Variants in ZPBP observed in about 807,000 individuals in gnomAD.
ZPBP encodes the protein zona pellucida-binding protein 1.
Under a neutral mutation model 44.8 loss-of-function variants are expected in ZPBP, and 26 were observed. That is an observed-to-expected ratio of 0.58 (90% CI 0.43 to 0.81). The LOEUF (loss-of-function observed/expected upper bound fraction) is 0.81, where lower values mean the gene tolerates loss of function less well. Among genes scored for constraint, ZPBP ranks in the 30% least tolerant of loss-of-function variants. ZPBP has a pLI of 0.00. For synonymous variants in ZPBP, 174 were observed against 153.2 expected, an observed-to-expected ratio of 1.14 and a Z score of -1.00; for missense variants, 409 against 434.0, an observed-to-expected ratio of 0.94 and a Z score of 0.51.
intron 1 of ZPBP, chr7:49,917,306 A>G (rs1409410782): frequency 6.6e-6 from 1 of 152,190 alleles, no homozygotes; most frequent in African/African-American, 2.4e-5. Flanking sequence ...CCTTAACACA[A>G]AGATTTGGCT....
At chr7:49,859,485 T>C (rs1790559932) in intron 2 of ZPBP, among the ~76,000 whole-genome samples, 1 of 152,188 alleles carries the variant, frequency 6.6e-6, no homozygotes, top group African/African-American at 2.4e-5. Flanking sequence ...GAAATCTGAT[T>C]TTTTTTCTTG....
the ZPBP span, among the ~76,000 whole-genome samples, chr7:49,842,786 A>G: frequency 1.3e-5 from 2 of 152,204 alleles, no homozygotes; most frequent in Non-Finnish European, 2.9e-5. Flanking sequence ...GCTTTAATAC[A>G]TGTCATCTAG....
intron 2 of ZPBP, among the ~76,000 whole-genome samples, chr7:49,899,201 T>C (rs1453990398): frequency 6.6e-6 from 1 of 152,040 alleles, no homozygotes; most frequent in Non-Finnish European, 1.5e-5. Flanking sequence ...ATACATACTA[T>C]GTTTTTCCCT....
At chr7:50,085,678 C>A (rs958292053) in intron 2 of ZPBP, among the ~76,000 whole-genome samples, 2 of 152,044 alleles carry the variant, frequency 1.3e-5, no homozygotes, top group Non-Finnish European at 2.9e-5. Context: ...AAGCCTTTTC[C>A]CCAAAAGAAT....
chr7:50,057,969 C>A lies in ZPBP; in HGVS notation c.487+20G>T. The A allele has an allele frequency of 1.3e-6, 2 of 1,599,874 alleles. No homozygotes were observed. Among genetic ancestry groups the A allele is most frequent in the East Asian group, 2.2e-5 (1 of 44,648 alleles). ...AAAATCATTAAGAAAGGTTAAAACA[C>A]AACTAACTTTACTTCTTACCATATA... On this transcript the variant is annotated intron_variant, in intron 4 of 7. Transcript: ENST00000046087.
At chr7:49,963,994 G>A (rs1191746287) in intron 7 of ZPBP, among the ~76,000 whole-genome samples, 1 of 151,780 alleles carries the variant, frequency 6.6e-6, no homozygotes, top group Non-Finnish European at 1.5e-5. Flanking sequence ...ATAAAGTGGA[G>A]TTTGATAAAA....
At chr7:49,922,825 G>A (rs1455823390) in intron 1 of ZPBP, among the ~76,000 whole-genome samples, 2 of 152,048 alleles carry the variant, frequency 1.3e-5, no homozygotes, top group East Asian at 3.9e-4. Flanking sequence ...AATAGGTTCA[G>A]AATCACAGTC....
intron 4 of ZPBP, among the ~76,000 whole-genome samples, chr7:50,033,225 A>G (rs545137952): frequency 1.1e-4 from 16 of 152,258 alleles, no homozygotes; most frequent in African/African-American, 3.6e-4. Context: ...AATATTTTTA[A>G]TTTATGGCAA....
intron 6 of ZPBP, among the ~76,000 whole-genome samples, chr7:49,983,817 T>G (rs564038313): frequency 2.6e-5 from 4 of 152,050 alleles, no homozygotes; most frequent in Non-Finnish European, 5.9e-5. Flanking sequence ...TCAAGAAAGC[T>G]CTTTGAAATT....
At chr7:50,052,529 A>G (rs62447797) in intron 4 of ZPBP, among the ~76,000 whole-genome samples, 10,908 of 152,208 alleles carry the variant, frequency 0.072, 531 homozygotes, top group Non-Finnish European at 0.11. Context: ...AGCCATTCTG[A>G]AAAACAGTTT....
At chr7:49,857,942 G>T (rs183469953) in intron 2 of ZPBP, among the ~76,000 whole-genome samples, 20 of 152,304 alleles carry the variant, frequency 1.3e-4, no homozygotes, top group African/African-American at 4.6e-4. Context: ...ATACATCAGA[G>T]ATGAGACCAC....
At chr7:49,849,190 C>T (rs527893995), downstream of ZPBP, among the ~76,000 whole-genome samples, 58 of 152,314 alleles carry the variant, frequency 3.8e-4, no homozygotes, top group African/African-American at 1.2e-3. Context: ...CGTGAAGCCT[C>T]GGCTGTGGGG....
At chr7:49,930,192 C>G (rs1470121435) in intron 1 of ZPBP, among the ~76,000 whole-genome samples, 1 of 152,140 alleles carries the variant, frequency 6.6e-6, no homozygotes, top group Non-Finnish European at 1.5e-5. Context: ...AGTCCGAGGC[C>G]AGGAGGATGC....
intron 6 of ZPBP, among the ~76,000 whole-genome samples, chr7:50,011,695 T>C (rs1217657104): frequency 6.6e-6 from 1 of 152,044 alleles, no homozygotes; most frequent in Non-Finnish European, 1.5e-5. Flanking sequence ...GATAATAAGA[T>C]ATTAGGAAAA....
At chr7:50,028,435 C>A (rs562102203) in intron 5 of ZPBP, among the ~76,000 whole-genome samples, 4 of 152,002 alleles carry the variant, frequency 2.6e-5, no homozygotes, top group Admixed American at 6.6e-5. Context: ...ACTAAGATGC[C>A]AATTGTGCCA....
rs1339679290 is a variant in ZPBP at position 49,877,471 on chromosome 7, A to AAAAAAAT, written n.509+23646_509+23647insATTTTTT. ...GTAAGAAACTCTGTCTCAAAAAAAA[A>AAAAAAAT]AAAAAAAAAAATATATATATATATA... On this transcript the variant is annotated intron_variant and non_coding_transcript_variant, in intron 2 of 2. Transcript: ENST00000465922. Among the ~76,000 whole-genome samples, 11 of 17,048 alleles carry AAAAAAAT rather than the reference A, an allele frequency of 6.5e-4. 4 individuals carry two copies. The highest frequency in any genetic ancestry group is 2.1e-3 in the South Asian group (1 of 476). 11.2% of individuals were successfully genotyped at this position (17,048 alleles called of 152,430 possible). A position where few individuals can be genotyped will look rare whatever the true frequency, so the allele number is the denominator to read the frequency against.
At chr7:49,906,789 T>C (rs1263168233) in intron 1 of ZPBP, among the ~76,000 whole-genome samples, 1 of 152,212 alleles carries the variant, frequency 6.6e-6, no homozygotes, top group African/African-American at 2.4e-5. Flanking sequence ...TTGTAAATTG[T>C]TGCTTTCTGC....
chr7:49,961,767 T>C (rs960922648), intron 7 of ZPBP, among the ~76,000 whole-genome samples: 22 of 152,152 alleles, frequency 1.4e-4, no homozygotes, highest in Admixed American at 3.3e-4. Flanking sequence ...TGGATATAAC[T>C]GAGGAGAGAG....
chr7:50,072,299 T>C (rs1584173435), intron 3 of ZPBP, among the ~76,000 whole-genome samples: 1 of 151,820 alleles, frequency 6.6e-6, no homozygotes, highest in South Asian at 2.1e-4. Flanking sequence ...TGGGAAGGAG[T>C]GTGTCTTTTG....
Sources: allele counts gnomAD v4.1 joint callset (sites outside exome capture counted in the v4.1 genomes callset), GRCh38; gene constraint gnomAD v4.1.1; transcripts MANE v1.5; gene names NCBI Gene and HGNC (gene_info 2026-07-23, HGNC 2026-07-21).